The following FTSJ3 variants were observed in gnomAD, a reference collection of about 807,000 sequenced individuals.
FTSJ3 encodes FtsJ RNA 2'-O-methyltransferase 3.
In FTSJ3, 46 loss-of-function variants were observed where a neutral mutation model predicts 111.5. That is an observed-to-expected ratio of 0.41 (90% CI 0.33 to 0.53). FTSJ3 has a LOEUF of 0.53. Among genes scored for constraint, FTSJ3 ranks in the 20% least tolerant of loss-of-function variants. FTSJ3 has a pLI of 0.19. For synonymous variants in FTSJ3, 408 were observed against 383.0 expected (o/e 1.07, Z -0.76); for missense variants, 1,075 against 1,063.8 (o/e 1.01, Z -0.15).
In FTSJ3 at chr17:63,820,512, G is replaced by T. The variant is rs2040039356; in HGVS notation, c.2073-74C>A. The T allele has an allele frequency of 1.9e-5, 28 of 1,470,042 alleles. No individual in the cohort carries two copies. The South Asian group carries it at 3.2e-4, about 17-fold the overall frequency. The allele number at this position is 1,470,042 out of a possible 1,614,324, so 91.1% of individuals were successfully genotyped here. On this transcript the variant is annotated intron_variant, in intron 18 of 20. Coordinates refer to ENST00000427159, the MANE Select transcript of FTSJ3 (RefSeq NM_017647.4). ...AAGAAATTACCAGACTGGGCACGGT[G>T]GCTCACGCCTGTAATCCCTGCACTT...
chr17:63,822,851 C>G (rs1057158997), intron 13 of FTSJ3, among the ~76,000 whole-genome samples: 5 of 152,118 alleles, frequency 3.3e-5, no homozygotes, highest in Non-Finnish European at 7.4e-5. Context: ...TTACACCTAT[C>G]TTTTTTTATT....
At position 63,819,597 on chromosome 17, in the gene FTSJ3, T is replaced by C. The variant is rs911800772; in HGVS notation, c.*205A>G. The C allele has an allele frequency of 1.7e-6, 1 of 577,376 alleles. No individual in the cohort carries two copies. The highest frequency in any genetic ancestry group is 1.9e-5 in the African/African-American group (1 of 53,672). The allele number at this position is 577,376 out of a possible 1,614,324, so 35.8% of individuals were successfully genotyped here. ...GAGTGTCAACACAGTTCAGCAGTGT[T>C]TTCATGGGAGACCTTCAGGCAGGCA... On this transcript the variant is annotated 3_prime_UTR_variant, in exon 21 of 21. Transcript: ENST00000427159.
At position 63,827,554 on chromosome 17, in the gene FTSJ3, T is replaced by A. The variant is rs1344263591; in HGVS notation, c.-529A>T. 1 of 1,550,916 alleles carries A rather than the reference T, an allele frequency of 6.4e-7. No homozygotes were observed. Among genetic ancestry groups the A allele is most frequent in the Admixed American group, 2.0e-5 (1 of 50,964 alleles). ...GTGGCGGCCCGGCAGGTTACGGGGC[T>A]GGGTGCGGAGCGAGCGTGATCTGAG... On this transcript the variant is annotated 5_prime_UTR_variant, in exon 1 of 21. Transcript: ENST00000427159.
chr17:63,821,462 T>G lies in FTSJ3; in HGVS notation c.1778A>C (p.Lys593Thr). ...MSPLYQDEAP[K>T]GTEASSGTEA... is the part of the protein sequence containing the mutation. ...TGTCCCCGAAGAAGCCTCTGTTCCCTTAGGGGCTTCATCTTGGTACAGGGG... is the reference window on the plus strand; with the variant it reads ...TGTCCCCGAAGAAGCCTCTGTTCCCGTAGGGGCTTCATCTTGGTACAGGGG... Residue 593 changes from lysine to threonine, a missense_variant, in exon 16 of 21, where the codon AAG becomes ACG. Physicochemically the swap from Lys to Thr is moderately conservative, Grantham distance 78. Coordinates refer to ENST00000427159, the MANE Select transcript of FTSJ3 (RefSeq NM_017647.4). 6.2e-7 allele frequency: 1 copy of G among 1,614,214 alleles called. No homozygotes were observed.
chr17:63,825,476 C>G, intron 6 of FTSJ3, 40 bp from the exon 7 acceptor site: 1 of 1,611,232 alleles, frequency 6.2e-7, no homozygotes, highest in Non-Finnish European at 8.5e-7. Flanking sequence ...CTCTGCAGCC[C>G]AGGAGGGCAT....
At chr17:63,824,771 T>A (rs143387815) in intron 9 of FTSJ3, 34 bp from the exon 10 acceptor site, 1 of 1,607,306 alleles carries the variant, frequency 6.2e-7, no homozygotes. Context: ...TCAGGGGAGA[T>A]CCTCAGGCCA....
Position 63,826,293 on chromosome 17 carries a change from G to A in FTSJ3, c.185C>T (p.Ala62Val), listed in dbSNP as rs1451489227. ...GCTGGATACAGGCATAAACTTGGCA[G>A]CTACCTGCAGCCTATAAAAGGAACA... ...CAAPGGWLQV[A>V]AKFMPVSSLI... Residue 62 changes from alanine (A) to valine (V), a missense_variant, in exon 4 of 21, where the codon GCT becomes GTT. Around this residue, in one of 2 missense-constraint regions of FTSJ3, gnomAD observed 208 missense variants for 266.9 expected, o/e 0.78. Coordinates refer to ENST00000427159, the MANE Select transcript of FTSJ3 (RefSeq NM_017647.4). 1 of 1,614,142 alleles carries A rather than the reference G, an allele frequency of 6.2e-7. No homozygotes were observed. Among genetic ancestry groups the A allele is most frequent in the Admixed American group, 1.7e-5 (1 of 60,030 alleles).
At chr17:63,824,062 G>A (rs1169148984) in intron 12 of FTSJ3, 22 bp downstream of exon 12, 39 of 1,613,894 alleles carry the variant, frequency 2.4e-5, no homozygotes, top group Non-Finnish European at 3.2e-5. Context: ...GGAACTCCAA[G>A]CTCTACCCCA....
intron 13 of FTSJ3, among the ~76,000 whole-genome samples, chr17:63,822,387 T>C (rs2040060022): frequency 6.6e-6 from 1 of 152,058 alleles, no homozygotes; most frequent in African/African-American, 2.4e-5. Flanking sequence ...CTCAGCTGTC[T>C]TGTCTCAGTG....
Position 63,821,341 on chromosome 17 carries a change from T to C in FTSJ3, c.1886+13A>G. 6.3e-7 allele frequency: 1 copy of C among 1,592,594 alleles called. No individual in the cohort carries two copies. The highest frequency in any genetic ancestry group is 8.6e-7 in the Non-Finnish European group (1 of 1,168,828). ...CTTCCTTTCCATCCCTTCTCTCAGC[T>C]GCAACTACTCACCTCTCTTCTTCCT... On this transcript the variant is annotated intron_variant, in intron 16 of 20. Coordinates refer to ENST00000427159, the MANE Select transcript of FTSJ3 (RefSeq NM_017647.4).
chr17:63,825,277 C>T lies in FTSJ3; in HGVS notation c.560G>A (p.Arg187His). 3.1e-6 allele frequency: 5 copies of T among 1,614,120 alleles called. No homozygotes were observed. The highest frequency in any genetic ancestry group is 4.2e-6 in the Non-Finnish European group (5 of 1,180,018). The change falls in exon 7 of 21, where the codon CGC becomes CAC. Residue 187 changes from arginine (R) to histidine (H), a missense_variant. Coordinates refer to ENST00000427159, the MANE Select transcript of FTSJ3 (RefSeq NM_017647.4). ...TACAAAGATCTCTGCAGATTCATGGCGAGAGGCTTGGGGCTTGGTGGCCTG... is the reference window on the plus strand; with the variant it reads ...TACAAAGATCTCTGCAGATTCATGGTGAGAGGCTTGGGGCTTGGTGGCCTG... ...RVQATKPQAS[R>H]HESAEIFVVC...
chr17:63,827,325 C>T lies in FTSJ3; in HGVS notation c.-300G>A. 1 of 864,232 alleles carries T rather than the reference C, an allele frequency of 1.2e-6. No individual in the cohort carries two copies. Among genetic ancestry groups the T allele is most frequent in the Non-Finnish European group, 1.8e-6 (1 of 551,766 alleles). The allele number at this position is 864,232 out of a possible 1,614,324, so 53.5% of individuals were successfully genotyped here. A position where few individuals can be genotyped will look rare whatever the true frequency, so the allele number is the denominator to read the frequency against. On this transcript the variant is annotated 5_prime_UTR_variant, in exon 1 of 21. Coordinates refer to ENST00000427159, the MANE Select transcript of FTSJ3 (RefSeq NM_017647.4). ...CATCCCCTTCCAAAGCCCCTGAACT[C>T]GAGTAGCCGCCCCTCCCATCATGGT...
At position 63,819,855 on chromosome 17, in the gene FTSJ3, CCTT is replaced by C. The variant is rs759856668; in HGVS notation, c.2488_2490del (p.Lys830del). 36 of 1,614,000 alleles carry C rather than the reference CCTT, an allele frequency of 2.2e-5. No individual in the cohort carries two copies. The highest frequency in any genetic ancestry group is 3.3e-5 in the South Asian group (3 of 91,078). On this transcript the variant is annotated inframe_deletion, in exon 21 of 21. Coordinates refer to ENST00000427159, the MANE Select transcript of FTSJ3 (RefSeq NM_017647.4). ...TCCTTACGTTGCTGTGCTCTTTGGT[CCTT>C]CTTCATCCTTGAGTCCACCACCTTG...
At position 63,820,380 on chromosome 17, in the gene FTSJ3, G is replaced by C; in HGVS notation, c.2131C>G (p.Gln711Glu). 1.9e-6 allele frequency: 3 copies of C among 1,614,148 alleles called. No individual in the cohort carries two copies. Among genetic ancestry groups the C allele is most frequent in the Non-Finnish European group, 2.5e-6 (3 of 1,180,038 alleles). ...LPEWFVQEEKQHRIRQLPVGK... is the reference protein window; with the variant it reads ...LPEWFVQEEKEHRIRQLPVGK... ...ACAGGCAACTGTCGTATCCGGTGCT[G>C]CTTTTCCTCTTGCACAAACCACTCC... Residue 711 changes from glutamine to glutamate, a missense_variant, in exon 19 of 21, where the codon CAG (glutamine) becomes GAG (glutamate). Gln to Glu is a conservative substitution (Grantham distance 29, BLOSUM62 2). This residue lies in a region of FTSJ3 where 867 missense variants were observed against 796.9 expected (regional missense o/e 1.09). Transcript: ENST00000427159.
At chr17:63,825,675 G>T in intron 5 of FTSJ3, 40 bp from the exon 6 acceptor site, 1 of 1,551,192 alleles carries the variant, frequency 6.4e-7, no homozygotes, top group South Asian at 1.1e-5. Context: ...AGAAACACTG[G>T]AATGGCCCTG....
chr17:63,827,066 G>T lies in FTSJ3; in HGVS notation c.-41C>A, dbSNP rs947788069. ...CCGCACACTACCTAGACCCAGAGCC[G>T]CTTTCTCCACACTTGGAACCGCACA... On this transcript the variant is annotated 5_prime_UTR_variant, in exon 1 of 21. Transcript: ENST00000427159. 7.4e-6 allele frequency: 5 copies of T among 676,726 alleles called. No individual in the cohort carries two copies. Among genetic ancestry groups the T allele is most frequent in the East Asian group, 2.7e-5 (1 of 37,552 alleles). The allele number at this position is 676,726 out of a possible 1,614,324, so 41.9% of individuals were successfully genotyped here.
In FTSJ3 at chr17:63,821,972, C is replaced by A. The variant is rs749342113; in HGVS notation, c.1475+12G>T. ...GTGGCAGCATTCCCTTTGGTGCACA[C>A]GTGCCCCTTACCGCTTTTGGTCCCT... is the stretch of plus-strand genomic sequence containing the variant. On this transcript the variant is annotated intron_variant, in intron 14 of 20. Coordinates refer to ENST00000427159, the MANE Select transcript of FTSJ3 (RefSeq NM_017647.4). The A allele has an allele frequency of 5.6e-6, 9 of 1,613,710 alleles. 1 individual carries two copies. In the Middle Eastern group the frequency reaches 5.0e-4, roughly 89 times the overall value.
chr17:63,825,540 T>G lies in FTSJ3; in HGVS notation c.396A>C (p.Ser132=). 1 of 1,613,928 alleles carries G rather than the reference T, an allele frequency of 6.2e-7. No homozygotes were observed. The highest frequency in any genetic ancestry group is 8.5e-7 in the Non-Finnish European group (1 of 1,179,830). The change falls in exon 6 of 21, where the codon TCA becomes TCC. Residue 132 remains serine, a synonymous_variant. Transcript: ENST00000427159. The part of the protein sequence containing the change: ...VGASWVHDAY[S]QAHLTLMALR... ...CAAGCACCACACTCCCTGTACCTTG[T>G]GAGTAAGCATCATGGACCCAGCTAG... is the stretch of plus-strand genomic sequence containing the variant.
chr17:63,826,190 G>A (rs543985651), intron 4 of FTSJ3, 55 bp from the exon 5 acceptor site: 3 of 1,609,032 alleles, frequency 1.9e-6, no homozygotes, highest in East Asian at 4.5e-5. Flanking sequence ...AGGGAGGAGA[G>A]AAATACAGGA....
Sources: allele counts gnomAD v4.1 joint callset (sites outside exome capture counted in the v4.1 genomes callset), GRCh38; gene constraint gnomAD v4.1.1; regional missense constraint gnomAD v4.1.1; transcripts MANE v1.5; gene names NCBI Gene and HGNC (gene_info 2026-07-23, HGNC 2026-07-21).